RGS6: variants seen among roughly 807,000 people sequenced by gnomAD.
RGS6 encodes the protein regulator of G-protein signaling 6.
In RGS6, 30 loss-of-function variants were observed where a neutral mutation model predicts 78.5. The observed-to-expected ratio is 0.38, with a 90% CI of 0.29 to 0.52. RGS6 has a LOEUF of 0.52. Ranked by LOEUF, RGS6 falls within the 20% of genes least tolerant of loss-of-function variation. The pLI is 0.85. For missense variants in RGS6, 495 were observed against 609.7 expected, an observed-to-expected ratio of 0.81 and a Z score of 1.98; for synonymous variants, 206 against 206.0, an observed-to-expected ratio of 1.00 and a Z score of 0.00.
intron 2 of RGS6, among the ~76,000 whole-genome samples, chr14:72,170,073 A>C (rs2096989680): frequency 6.6e-6 from 1 of 152,178 alleles, no homozygotes; most frequent in Non-Finnish European, 1.5e-5. Flanking sequence ...ATAAACAGGA[A>C]GTCCAATTTT....
At chr14:72,258,164 C>T (rs2153874219) in intron 2 of RGS6, among the ~76,000 whole-genome samples, 1 of 152,304 alleles carries the variant, frequency 6.6e-6, no homozygotes, top group African/African-American at 2.4e-5. Flanking sequence ...CATAAAACTG[C>T]ACAATGGCCT....
At chr14:72,076,794 A>C (rs1163400973) in intron 2 of RGS6, among the ~76,000 whole-genome samples, 1 of 152,064 alleles carries the variant, frequency 6.6e-6, no homozygotes, top group Non-Finnish European at 1.5e-5. Context: ...AGCCTCCCAA[A>C]GTATTGGGAT....
At chr14:71,951,775 G>C (rs2092342110) in intron 1 of RGS6, among the ~76,000 whole-genome samples, 1 of 152,006 alleles carries the variant, frequency 6.6e-6, no homozygotes, top group South Asian at 2.1e-4. Context: ...TCTCACGTCT[G>C]TCAGCATTTT....
At chr14:72,547,921 A>G (rs2097432896) in intron 17 of RGS6, among the ~76,000 whole-genome samples, 1 of 152,216 alleles carries the variant, frequency 6.6e-6, no homozygotes, top group African/African-American at 2.4e-5. Context: ...CTTAAAAAAT[A>G]CATTTCCCAC....
intron 2 of RGS6, among the ~76,000 whole-genome samples, chr14:72,166,449 A>T (rs1299004865): frequency 6.6e-6 from 1 of 152,218 alleles, no homozygotes; most frequent in Non-Finnish European, 1.5e-5. Flanking sequence ...GAACATTTAT[A>T]TGACAAAGAA....
At chr14:72,081,299 A>G (rs2094814966) in intron 2 of RGS6, among the ~76,000 whole-genome samples, 1 of 151,898 alleles carries the variant, frequency 6.6e-6, no homozygotes, top group Non-Finnish European at 1.5e-5. Flanking sequence ...TGTTTTATTA[A>G]TTTCTTTTTC....
rs1410445877 is a variant in RGS6 at position 72,566,237 on chromosome 14, T to C, written c.*3770T>C. 2 of 151,976 alleles carry C rather than the reference T, an allele frequency of 1.3e-5. No homozygotes were observed. Among genetic ancestry groups the C allele is most frequent in the African/African-American group, 4.8e-5 (2 of 41,364 alleles). The allele number at this position is 151,976 out of a possible 1,614,324, so 9.4% of individuals were successfully genotyped here. A position where few individuals can be genotyped will look rare whatever the true frequency, so the allele number is the denominator to read the frequency against. On this transcript the variant is annotated 3_prime_UTR_variant, in exon 18 of 18. Coordinates refer to ENST00000553525, the MANE Select transcript of RGS6 (RefSeq NM_001204424.2). Reference sequence around the variant, plus strand: ...CAAATGTAGCAATAAAGGGCCCGGGTCTATACGGGGACAGGGTCCAAATGA... The same window carrying C: ...CAAATGTAGCAATAAAGGGCCCGGGCCTATACGGGGACAGGGTCCAAATGA...
chr14:72,569,111 G>GGTGTGTGT (rs35508602), downstream of RGS6, among the ~76,000 whole-genome samples: 129 of 137,626 alleles, frequency 9.4e-4, no homozygotes, highest in African/African-American at 3.0e-3. Flanking sequence ...GATTCTCTGG[G>GGTGTGTGT]GTGTGTGTGT....
At chr14:71,996,002 A>G (rs1185498913) in intron 2 of RGS6, among the ~76,000 whole-genome samples, 1 of 152,136 alleles carries the variant, frequency 6.6e-6, no homozygotes, top group African/African-American at 2.4e-5. Context: ...CAGCTTGGTG[A>G]CTGGCCTCCC....
At chr14:72,434,113 A>C (rs1039415247) in intron 3 of RGS6, among the ~76,000 whole-genome samples, 5 of 152,168 alleles carry the variant, frequency 3.3e-5, no homozygotes, top group Non-Finnish European at 5.9e-5. Flanking sequence ...AGGCAGGAGG[A>C]TCTCTTGAGC....
intron 2 of RGS6, among the ~76,000 whole-genome samples, chr14:72,283,185 C>CTT (rs2061885819): frequency 6.6e-6 from 1 of 152,154 alleles, no homozygotes; most frequent in Admixed American, 6.5e-5. Context: ...CAATGAGACA[C>CTT]TTAGGTTGTT....
intron 2 of RGS6, among the ~76,000 whole-genome samples, chr14:72,124,878 C>G (rs918567400): frequency 7.2e-5 from 11 of 152,138 alleles, no homozygotes; most frequent in Admixed American, 2.6e-4. Context: ...TTCTCCAGTA[C>G]TAAGTAGTAT....
At chr14:72,575,714 G>A in the RGS6 span, among the ~76,000 whole-genome samples, 11 of 152,232 alleles carry the variant, frequency 7.2e-5, no homozygotes, top group Admixed American at 4.6e-4. Flanking sequence ...GAGGTGATGA[G>A]TTTGCAGATT....
At chr14:72,429,363 T>C (rs1250497953) in intron 3 of RGS6, among the ~76,000 whole-genome samples, 3 of 152,174 alleles carry the variant, frequency 2.0e-5, no homozygotes, top group African/African-American at 7.2e-5. Context: ...GGGCCCCAGG[T>C]ATATTCTTGA....
chr14:72,535,216 T>C (rs1398481881), intron 15 of RGS6, among the ~76,000 whole-genome samples: 1 of 152,138 alleles, frequency 6.6e-6, no homozygotes, highest in East Asian at 1.9e-4. Flanking sequence ...CCAGAATGTA[T>C]AACAAATGCC....
In RGS6 at chr14:72,515,404, G is replaced by A. The variant is rs138264407; in HGVS notation, c.1092-2947G>A. 1.2e-3 allele frequency among the ~76,000 whole-genome samples: 178 copies of A among 152,276 alleles called. 1 individual carries two copies. The highest frequency in any genetic ancestry group is 4.1e-3 in the African/African-American group (171 of 41,538). On this transcript the variant is annotated intron_variant, in intron 14 of 17. Transcript: ENST00000553525. ...TCCGCGGCCTGGTGCAATGGCTCAC[G>A]CCTGTCATCCCAGCACTTTGGGAGG...
intron 2 of RGS6, among the ~76,000 whole-genome samples, chr14:72,347,081 G>C (rs963616790): frequency 6.6e-6 from 1 of 152,182 alleles, no homozygotes; most frequent in African/African-American, 2.4e-5. Context: ...TCGTTTGGCT[G>C]TCAGATAAGG....
chr14:72,190,858 C>A (rs1682091029), intron 2 of RGS6, among the ~76,000 whole-genome samples: 1 of 152,184 alleles, frequency 6.6e-6, no homozygotes, highest in Non-Finnish European at 1.5e-5. Flanking sequence ...CTACATGAGG[C>A]CTTTCAAAAC....
intron 2 of RGS6, among the ~76,000 whole-genome samples, chr14:72,154,276 A>T (rs546628390): frequency 6.6e-6 from 1 of 152,072 alleles, no homozygotes; most frequent in East Asian, 1.9e-4. Flanking sequence ...CACTGATTTC[A>T]TATTGTTCAA....
Sources: allele counts gnomAD v4.1 joint callset (sites outside exome capture counted in the v4.1 genomes callset), GRCh38; gene constraint gnomAD v4.1.1; transcripts MANE v1.5; gene names NCBI Gene and HGNC (gene_info 2026-07-23, HGNC 2026-07-21).